Variants in NAV3 observed in about 807,000 individuals in gnomAD.
NAV3 encodes the protein pore membrane and/or filament interacting like protein 1.
NAV3 carries 87 observed loss-of-function variants against 244.7 expected under a neutral mutation model. The observed-to-expected ratio is 0.36, with a 90% confidence interval of 0.30 to 0.42. The LOEUF is 0.42. NAV3 is among the 20% of genes least tolerant of loss of function. The pLI, the probability that NAV3 is intolerant of heterozygous loss-of-function variation, is 1.00. For synonymous variants in NAV3, 1,126 were observed against 1,042.2 expected (o/e 1.08, Z -1.55); for missense variants, 2,663 against 2,893.3 (o/e 0.92, Z 1.83).
At chr12:78,083,718 C>G (rs985909236) in intron 12 of NAV3, among the ~76,000 whole-genome samples, 4 of 152,164 alleles carry the variant, frequency 2.6e-5, no homozygotes, top group Admixed American at 6.5e-5. Flanking sequence ...GAGTATCATG[C>G]TAACAACTAC....
In NAV3 at chr12:77,691,333, GTGTGTA is replaced by G. The variant is rs1275180923; in HGVS notation, c.72+119069_72+119074del. The stretch of plus-strand genomic sequence containing the variant: ...TAGTCATATATAAGTATTTGTGTAT[GTGTGTA>G]TATATATATATATATACATATCCAT... On this transcript the variant is annotated intron_variant, in intron 2 of 8. Coordinates refer to the NAV3 transcript ENST00000550042. Among the ~76,000 whole-genome samples the G allele has an allele frequency of 2.9e-4, 29 of 100,944 alleles. 1 individual carries two copies. Among genetic ancestry groups the G allele is most frequent in the African/African-American group, 1.1e-3 (28 of 26,060 alleles). 66.2% of individuals were successfully genotyped at this position (100,944 alleles called of 152,430 possible).
At chr12:77,886,397 T>C (rs2136679064) in intron 1 of NAV3, among the ~76,000 whole-genome samples, 1 of 152,278 alleles carries the variant, frequency 6.6e-6, no homozygotes, top group Admixed American at 6.5e-5. Context: ...AAACTTAACA[T>C]GCTAAACAGA....
At chr12:78,194,857 A>G (rs1233001813) in intron 34 of NAV3, among the ~76,000 whole-genome samples, 2 of 152,026 alleles carry the variant, frequency 1.3e-5, no homozygotes, top group Non-Finnish European at 2.9e-5. Flanking sequence ...GTATTACCCA[A>G]TCTTTAAAAT....
intron 1 of NAV3, among the ~76,000 whole-genome samples, chr12:77,933,190 G>A (rs1195688167): frequency 2.6e-5 from 4 of 152,072 alleles, no homozygotes; most frequent in Non-Finnish European, 5.9e-5. Context: ...GATCAGATTT[G>A]CATTTTAAAG....
rs138417227 is a variant in NAV3, at chr12:77,774,569, T to G, written c.73-165750T>G. ...ATTGGGGATTATGATCTTAAAGGAC[T>G]AGAGAGGTGTAGAAAATAATAAAAT... On this transcript the variant is annotated intron_variant, in intron 2 of 8. Transcript: ENST00000550042. 3.7e-3 allele frequency among the ~76,000 whole-genome samples: 556 copies of G among 152,226 alleles called. 6 individuals carry two copies. The highest frequency in any genetic ancestry group is 0.013 in the African/African-American group (536 of 41,542).
chr12:78,074,715 A>G (rs1952955817), intron 12 of NAV3, among the ~76,000 whole-genome samples: 1 of 152,176 alleles, frequency 6.6e-6, no homozygotes, highest in African/African-American at 2.4e-5. Context: ...AAAACAAACA[A>G]ACAAATGAAG....
At chr12:77,857,283 C>G (rs1217348212) in intron 1 of NAV3, among the ~76,000 whole-genome samples, 1 of 151,948 alleles carries the variant, frequency 6.6e-6, no homozygotes, top group Non-Finnish European at 1.5e-5. Context: ...TTAGACATGG[C>G]TTTTCAGTGC....
intron 9 of NAV3, chr12:78,037,412 G>C (rs763893521): frequency 8.9e-6 from 6 of 677,516 alleles, no homozygotes; most frequent in Non-Finnish European, 1.6e-5. Context: ...TCCTAAAAAC[G>C]TGTATGGGAT....
Position 78,175,351 on chromosome 12 carries a change from TCAA to T in NAV3, c.5030_5032del (p.Asn1677del), listed in dbSNP as rs1565761095. 7 of 1,611,556 alleles carry T rather than the reference TCAA, an allele frequency of 4.3e-6. No homozygotes were observed. The highest frequency in any genetic ancestry group is 2.7e-5 in the African/African-American group (2 of 74,776). On this transcript the variant is annotated inframe_deletion, in exon 25 of 40. Coordinates refer to ENST00000397909, the MANE Select transcript of NAV3 (RefSeq NM_001024383.2). The stretch of plus-strand genomic sequence containing the variant: ...CATTCCTCTGAAAGTGTTTCTAGTA[TCAA>T]CAGTGCCACAAGCCATTCCAGTATT...
intron 1 of NAV3, among the ~76,000 whole-genome samples, chr12:77,865,132 A>C (rs1445810198): frequency 2.0e-5 from 3 of 152,172 alleles, no homozygotes; most frequent in South Asian, 2.1e-4. Flanking sequence ...GGGTGAGGGA[A>C]TCTAAGGTAT....
At chr12:77,840,419 A>G (rs1297162512) in intron 1 of NAV3, among the ~76,000 whole-genome samples, 2 of 152,210 alleles carry the variant, frequency 1.3e-5, no homozygotes, top group Non-Finnish European at 2.9e-5. Context: ...GGTGGGGGAC[A>G]TTTCCAAAAT....
chr12:77,831,665 AC>A lies in NAV3; in HGVS notation c.208del (p.Leu70SerfsTer22). ...KSTCEFGEKK[P>X]LQGKAKEKED... ...CAACCTGTGAATTTGGAGAGAAGAA[AC>A]CCCTCCAAGGAAAAGCCAAGGAGAA... On this transcript the variant is annotated frameshift_variant, in exon 1 of 40. Coordinates refer to ENST00000397909, the MANE Select transcript of NAV3 (RefSeq NM_001024383.2). LOFTEE classifies it high-confidence loss of function. The A allele has an allele frequency of 6.2e-7, 1 of 1,613,170 alleles. No individual in the cohort carries two copies. Among genetic ancestry groups the A allele is most frequent in the Non-Finnish European group, 8.5e-7 (1 of 1,179,696 alleles).
chr12:77,895,662 A>T (rs1321937376), intron 1 of NAV3, among the ~76,000 whole-genome samples: 4 of 151,542 alleles, frequency 2.6e-5, no homozygotes, highest in Non-Finnish European at 5.9e-5. Context: ...TGCATTAAAT[A>T]GTTATCATGA....
At chr12:77,797,810 GC>G (rs1224872959) in intron 2 of NAV3, among the ~76,000 whole-genome samples, 1 of 150,496 alleles carries the variant, frequency 6.6e-6, no homozygotes, top group Non-Finnish European at 1.5e-5. Context: ...CTGCACTCCA[GC>G]CTGGGTGACA....
chr12:77,972,719 G>C (rs886624696), intron 5 of NAV3, among the ~76,000 whole-genome samples: 10 of 152,046 alleles, frequency 6.6e-5, no homozygotes, highest in Admixed American at 1.3e-4. Context: ...TATTCATTGG[G>C]AGATGAAGGA....
intron 9 of NAV3, among the ~76,000 whole-genome samples, chr12:78,045,393 A>T (rs1391784027): frequency 1.3e-5 from 2 of 151,918 alleles, no homozygotes; most frequent in Non-Finnish European, 2.9e-5. Context: ...CCTCCTAAGT[A>T]CAAGCGATTC....
intron 2 of NAV3, among the ~76,000 whole-genome samples, chr12:77,795,494 A>C (rs1327930878): frequency 6.6e-6 from 1 of 152,134 alleles, no homozygotes; most frequent in Non-Finnish European, 1.5e-5. Context: ...GGCTACACTA[A>C]ACAACAGACT....
rs2138605016 is a variant in NAV3, at chr12:78,119,350, C to A, written c.3154C>A (p.Pro1052Thr). The A allele has an allele frequency of 6.2e-7, 1 of 1,614,100 alleles. No homozygotes were observed. Among genetic ancestry groups the A allele is most frequent in the Non-Finnish European group, 8.5e-7 (1 of 1,180,016 alleles). The change falls in exon 15 of 40, where the codon CCC (proline) becomes ACC (threonine). Residue 1052 changes from proline (P) to threonine (T), a missense_variant. This residue lies in a region of NAV3 where 1,521 missense variants were observed against 1,497.0 expected (regional missense o/e 1.02). Transcript: ENST00000397909. Reference protein sequence around the residue: ...GKSSGDEGKKPPSGIGRSTAT... With the variant: ...GKSSGDEGKKTPSGIGRSTAT... Reference sequence around the variant, plus strand: ...AAGCAGTGGAGATGAAGGGAAAAAGCCCCCCTCAGGCATTGGAAGATCGAC... The same window carrying A: ...AAGCAGTGGAGATGAAGGGAAAAAGACCCCCTCAGGCATTGGAAGATCGAC...
At chr12:77,730,601 C>A (rs1212770967) in intron 2 of NAV3, among the ~76,000 whole-genome samples, 2 of 151,480 alleles carry the variant, frequency 1.3e-5, no homozygotes, top group South Asian at 2.1e-4. Flanking sequence ...GATATCAGAG[C>A]AGAATAAAAT....
Sources: gnomAD v4.1 joint callset for allele counts (sites outside exome capture counted in the v4.1 genomes callset) on GRCh38, gnomAD v4.1.1 for gene constraint, gnomAD v4.1.1 regional missense constraint, MANE v1.5 for transcripts, NCBI Gene and HGNC (gene_info 2026-07-23, HGNC 2026-07-21) for gene names.